STXBP6: variants seen among roughly 807,000 people sequenced by gnomAD.
STXBP6 encodes the protein syntaxin binding protein 6.
STXBP6 carries 21 observed loss-of-function variants against 26.9 expected under a neutral mutation model. The observed-to-expected ratio is 0.78, with a 90% confidence interval of 0.55 to 1.12. The LOEUF (loss-of-function observed/expected upper bound fraction) is 1.12. STXBP6 is among the 50% of genes most tolerant of loss of function. The pLI is 0.00. For missense variants in STXBP6, 232 were observed against 257.9 expected (o/e 0.90, Z 0.69); for synonymous variants, 97 against 92.6 (o/e 1.05, Z -0.27).
In STXBP6 at chr14:24,811,101, A is replaced by C. The variant is rs1305737046; in HGVS notation, c.*1608T>G. On this transcript the variant is annotated 3_prime_UTR_variant, in exon 6 of 6. Coordinates refer to ENST00000323944, the MANE Select transcript of STXBP6 (RefSeq NM_001394410.1). ...TAAATTTTATAGAGGGTTTTCTTGA[A>C]TTGGATCATCTAAAAGGATTCTGAA... 2.0e-5 allele frequency: 3 copies of C among 152,142 alleles called. No individual in the cohort carries two copies. The highest frequency in any genetic ancestry group is 1.3e-4 in the Admixed American group (2 of 15,276). The allele number at this position is 152,142 out of a possible 1,614,324, so 9.4% of individuals were successfully genotyped here. A position where few individuals can be genotyped will look rare whatever the true frequency, so the allele number is the denominator to read the frequency against.
At chr14:24,828,639 T>C (rs554546973) in intron 4 of STXBP6, among the ~76,000 whole-genome samples, 4 of 152,252 alleles carry the variant, frequency 2.6e-5, no homozygotes, top group Non-Finnish European at 4.4e-5. Flanking sequence ...TAATGAGCAT[T>C]AATGGTCAAA....
intron 1 of STXBP6, among the ~76,000 whole-genome samples, chr14:24,988,796 A>T (rs1185132759): frequency 6.6e-6 from 1 of 152,228 alleles, no homozygotes; most frequent in Admixed American, 6.5e-5. Context: ...ACCCTTGTAG[A>T]AGAGCAAGAA....
chr14:24,891,243 T>C (rs903923584), intron 2 of STXBP6, among the ~76,000 whole-genome samples: 3 of 152,276 alleles, frequency 2.0e-5, no homozygotes, highest in African/African-American at 7.2e-5. Flanking sequence ...AACAGACTTA[T>C]GAACGTTTCC....
At chr14:24,851,176 C>T (rs776166967) in intron 4 of STXBP6, among the ~76,000 whole-genome samples, 2 of 151,168 alleles carry the variant, frequency 1.3e-5, no homozygotes, top group Admixed American at 6.6e-5. Context: ...TCCTTGGGAC[C>T]TTGACCTAAT....
intron 2 of STXBP6, among the ~76,000 whole-genome samples, chr14:24,938,085 C>A (rs1444147793): frequency 6.6e-6 from 1 of 152,184 alleles, no homozygotes; most frequent in African/African-American, 2.4e-5. Flanking sequence ...TACAAGACAA[C>A]AGAAATCACA....
At chr14:24,863,217 G>A (rs890378683) in intron 2 of STXBP6, among the ~76,000 whole-genome samples, 10 of 152,110 alleles carry the variant, frequency 6.6e-5, no homozygotes, top group South Asian at 2.1e-4. Flanking sequence ...CTAGGACCAC[G>A]ATATGGTTTT....
intron 1 of STXBP6, among the ~76,000 whole-genome samples, chr14:24,980,009 C>A (rs1394248284): frequency 2.0e-5 from 3 of 152,104 alleles, no homozygotes; most frequent in African/African-American, 7.2e-5. Context: ...ATAATCTTAA[C>A]AAGGAAAAAG....
At chr14:24,957,876 AC>A (rs1364885024) in intron 2 of STXBP6, among the ~76,000 whole-genome samples, 1 of 152,212 alleles carries the variant, frequency 6.6e-6, no homozygotes, top group Non-Finnish European at 1.5e-5. Flanking sequence ...CTGATGAGTT[AC>A]TTTGATTCTG....
intron 2 of STXBP6, among the ~76,000 whole-genome samples, chr14:24,861,255 A>G (rs1017319963): frequency 5.3e-5 from 8 of 152,160 alleles, no homozygotes; most frequent in African/African-American, 1.9e-4. Context: ...TCTAACCACC[A>G]GACATTTTGA....
chr14:24,812,672 G>A lies in STXBP6; in HGVS notation c.*37C>T, dbSNP rs1566369678. The A allele has an allele frequency of 6.2e-7, 1 of 1,607,834 alleles. No homozygotes were observed. The highest frequency in any genetic ancestry group is 1.7e-5 in the Admixed American group (1 of 60,000). On this transcript the variant is annotated 3_prime_UTR_variant, in exon 6 of 6. Coordinates refer to ENST00000323944, the MANE Select transcript of STXBP6 (RefSeq NM_001394410.1). ...TAAAAACTGCTGAACAAACTCTTCA[G>A]TTTCTCTTAAGAAGAGTCACCAGGA...
intron 1 of STXBP6, among the ~76,000 whole-genome samples, chr14:25,038,527 T>C (rs1287817979): frequency 4.6e-5 from 7 of 152,166 alleles, no homozygotes; most frequent in East Asian, 1.9e-4. Flanking sequence ...TGAAAATAAA[T>C]AAACTACTGC....
intron 2 of STXBP6, among the ~76,000 whole-genome samples, chr14:24,920,591 A>G (rs1178216567): frequency 6.6e-6 from 1 of 151,908 alleles, no homozygotes; most frequent in Middle Eastern, 3.2e-3. Flanking sequence ...AACCCAGCAT[A>G]CTTTATTGAA....
intron 2 of STXBP6, among the ~76,000 whole-genome samples, chr14:24,912,340 A>G (rs938536227): frequency 1.3e-5 from 2 of 152,120 alleles, no homozygotes; most frequent in African/African-American, 4.8e-5. Context: ...GTTAAAATAT[A>G]AAAGGTATCT....
intron 4 of STXBP6, among the ~76,000 whole-genome samples, chr14:24,851,454 T>C (rs2069152964): frequency 6.7e-6 from 1 of 148,438 alleles, no homozygotes; most frequent in African/African-American, 2.5e-5. Flanking sequence ...GTTCTCACTG[T>C]TCAATTCCCA....
At chr14:24,986,143 T>A (rs2074326739) in intron 1 of STXBP6, among the ~76,000 whole-genome samples, 1 of 152,178 alleles carries the variant, frequency 6.6e-6, no homozygotes, top group Non-Finnish European at 1.5e-5. Flanking sequence ...TAAATTTTTT[T>A]TCTTGGGAAT....
At chr14:24,846,322 A>C (rs1326954054) in intron 4 of STXBP6, among the ~76,000 whole-genome samples, 2 of 151,952 alleles carry the variant, frequency 1.3e-5, no homozygotes, top group Non-Finnish European at 2.9e-5. Context: ...TATAACACTA[A>C]TTTTCTAAGT....
intron 1 of STXBP6, among the ~76,000 whole-genome samples, chr14:25,040,782 G>A (rs2075630142): frequency 6.6e-6 from 1 of 152,098 alleles, no homozygotes; most frequent in South Asian, 2.1e-4. Flanking sequence ...TGTCTTTGAA[G>A]GAGTTCACAA....
At position 24,856,036 on chromosome 14, in the gene STXBP6, T is replaced by C; in HGVS notation, c.351A>G (p.Ser117=). The C allele has an allele frequency of 8.7e-6, 14 of 1,611,774 alleles. No homozygotes were observed. Among genetic ancestry groups the C allele is most frequent in the Non-Finnish European group, 1.2e-5 (14 of 1,178,736 alleles). Reference sequence around the variant, plus strand: ...GGATCTGGAAGAAGGTGCATTTTTCTGACGCTGTGCTGGCTACCCACTGGT... The same window carrying C: ...GGATCTGGAAGAAGGTGCATTTTTCCGACGCTGTGCTGGCTACCCACTGGT... ...AFDQWVASTA[S]EKCTFFQILH... is the part of the protein sequence containing the mutation. Residue 117 remains serine (S), a synonymous_variant, in exon 4 of 6, where the codon TCA becomes TCG. Coordinates refer to ENST00000323944, the MANE Select transcript of STXBP6 (RefSeq NM_001394410.1).
At chr14:24,985,469 G>C (rs1448410738) in intron 1 of STXBP6, among the ~76,000 whole-genome samples, 1 of 152,140 alleles carries the variant, frequency 6.6e-6, no homozygotes, top group East Asian at 1.9e-4. Flanking sequence ...GGTTCTCAAG[G>C]GAAGTCCTCT....
Sources: gnomAD v4.1 joint callset for allele counts (sites outside exome capture counted in the v4.1 genomes callset) on GRCh38, gnomAD v4.1.1 for gene constraint, MANE v1.5 for transcripts, NCBI Gene and HGNC (gene_info 2026-07-23, HGNC 2026-07-21) for gene names.